The following KCTD8 variants were observed in gnomAD, a reference collection of about 807,000 sequenced individuals.
KCTD8 encodes potassium channel tetramerization domain containing 8, also known as BTB/POZ domain-containing protein KCTD8.
A neutral mutation model predicts 31.5 loss-of-function variants in KCTD8; 27 were observed. The observed-to-expected ratio is 0.86, with a 90% CI of 0.63 to 1.18. The LOEUF is 1.18. KCTD8 is among the 50% of genes most tolerant of loss of function. The pLI is 0.00. For missense variants in KCTD8, 658 were observed against 647.7 expected (o/e 1.02, Z -0.17); for synonymous variants, 290 against 280.0 (o/e 1.04, Z -0.36).
chr4:44,279,482 A>T (rs1716841456), intron 1 of KCTD8, among the ~76,000 whole-genome samples: 1 of 152,084 alleles, frequency 6.6e-6, no homozygotes, highest in South Asian at 2.1e-4. Flanking sequence ...CTCAGCAGAG[A>T]GAAAGATGTG....
chr4:44,403,861 G>A (rs1210004710), intron 1 of KCTD8, among the ~76,000 whole-genome samples: 1 of 151,878 alleles, frequency 6.6e-6, no homozygotes, highest in Non-Finnish European at 1.5e-5. Flanking sequence ...ACATATGTTA[G>A]ATGATTAATA....
At chr4:44,259,353 G>A (rs891658016) in intron 1 of KCTD8, among the ~76,000 whole-genome samples, 2 of 151,728 alleles carry the variant, frequency 1.3e-5, no homozygotes, top group African/African-American at 4.8e-5. Flanking sequence ...TCTTTTAAAC[G>A]AAGTGTAAAC....
chr4:44,238,196 C>G (rs1384571182), intron 1 of KCTD8, among the ~76,000 whole-genome samples: 10 of 151,962 alleles, frequency 6.6e-5, no homozygotes, highest in South Asian at 2.1e-4. Flanking sequence ...AAAGTTCTCC[C>G]CGCCCTACAC....
In KCTD8 at chr4:44,448,084, G is replaced by A. The variant is rs924945852; in HGVS notation, c.440C>T (p.Ser147Leu). ...AGAGTTCTGCTTGGTGACCTTGGGC[G>A]ACAGCAGCTTGACCAAGTCGGTGAG... ...FQLTDLVKLLSPKVTKQNSLN... is the reference protein window; with the variant it reads ...FQLTDLVKLLLPKVTKQNSLN... The change falls in exon 1 of 2, where the codon TCG (serine) becomes TTG (leucine). Residue 147 changes from serine (S) to leucine (L), a missense_variant. Transcript: ENST00000360029. This position sits in a 1 kb window ranked among gnomAD's most constrained non-coding sequence, Gnocchi z 4.1. The A allele has an allele frequency of 9.3e-6, 15 of 1,612,578 alleles. No individual in the cohort carries two copies. The highest frequency in any genetic ancestry group is 1.1e-5 in the Non-Finnish European group (13 of 1,179,820).
chr4:44,190,220 C>A (rs1002117044), intron 1 of KCTD8, among the ~76,000 whole-genome samples: 1 of 152,186 alleles, frequency 6.6e-6, no homozygotes, highest in African/African-American at 2.4e-5. Context: ...ATATCCAAAT[C>A]TTTTAGCTCC....
intron 1 of KCTD8, among the ~76,000 whole-genome samples, chr4:44,176,450 G>T (rs1386620409): frequency 6.6e-6 from 1 of 152,140 alleles, no homozygotes; most frequent in Non-Finnish European, 1.5e-5. Flanking sequence ...CCAAGGTTAT[G>T]AACCACTGAT....
At chr4:44,243,611 G>C (rs1190263798) in intron 1 of KCTD8, among the ~76,000 whole-genome samples, 1 of 152,154 alleles carries the variant, frequency 6.6e-6, no homozygotes, top group Non-Finnish European at 1.5e-5. Context: ...GTCATTTGGT[G>C]TTCACAACAA....
chr4:44,351,438 T>A (rs1452636435), intron 1 of KCTD8, among the ~76,000 whole-genome samples: 1 of 152,144 alleles, frequency 6.6e-6, no homozygotes, highest in East Asian at 1.9e-4. Flanking sequence ...CCAAATTAGA[T>A]TTCCATATCA....
At chr4:44,239,143 T>C (rs1715376177) in intron 1 of KCTD8, among the ~76,000 whole-genome samples, 1 of 152,234 alleles carries the variant, frequency 6.6e-6, no homozygotes, top group Non-Finnish European at 1.5e-5. Flanking sequence ...TAAAATATAA[T>C]GTGGTCTCAT....
At chr4:44,352,575 TA>T in intron 1 of KCTD8, among the ~76,000 whole-genome samples, 5 of 142,912 alleles carry the variant, frequency 3.5e-5, no homozygotes, top group Non-Finnish European at 7.6e-5. Context: ...TTATTATTTC[TA>T]TTAAAAATAG....
At position 44,422,855 on chromosome 4, in the gene KCTD8, C is replaced by A. The variant is rs138649314; in HGVS notation, c.961+24708G>T. Among the ~76,000 whole-genome samples the A allele has an allele frequency of 2.6e-5, 4 of 152,158 alleles. No individual in the cohort carries two copies. In the East Asian group the frequency reaches 5.8e-4, roughly 22 times the overall value. On this transcript the variant is annotated intron_variant, in intron 1 of 1. Transcript: ENST00000360029. ...TATTTGACAGTTGGCTCATTTCCAG[C>A]TAATATTCTTTTCATATCTTCAGCC...
intron 1 of KCTD8, among the ~76,000 whole-genome samples, chr4:44,276,906 A>G (rs1716766692): frequency 6.6e-6 from 1 of 152,016 alleles, no homozygotes; most frequent in Admixed American, 6.6e-5. Flanking sequence ...ATCTTCATCA[A>G]TGTTTTAAGT....
At chr4:44,280,430 C>T (rs1054746772) in intron 1 of KCTD8, among the ~76,000 whole-genome samples, 19 of 152,060 alleles carry the variant, frequency 1.2e-4, no homozygotes, top group Admixed American at 5.9e-4. Context: ...CCGTCGAGAG[C>T]TGCATCCTTT....
chr4:44,428,262 A>G (rs535953388), intron 1 of KCTD8, among the ~76,000 whole-genome samples: 8 of 151,762 alleles, frequency 5.3e-5, no homozygotes, highest in Non-Finnish European at 8.8e-5. Context: ...GGTTATGTAC[A>G]GCAAAAAATA....
At chr4:44,325,225 G>A (rs1718412391) in intron 1 of KCTD8, among the ~76,000 whole-genome samples, 1 of 151,950 alleles carries the variant, frequency 6.6e-6, no homozygotes. Flanking sequence ...CGTGAGGTGT[G>A]TATGTAAGAT....
intron 1 of KCTD8, among the ~76,000 whole-genome samples, chr4:44,281,906 C>A (rs1489264170): frequency 6.6e-6 from 1 of 152,026 alleles, no homozygotes; most frequent in Non-Finnish European, 1.5e-5. Context: ...AATATTATTT[C>A]TAGTTCTAGG....
chr4:44,405,329 CT>C (rs1720766661), intron 1 of KCTD8, among the ~76,000 whole-genome samples: 1 of 152,138 alleles, frequency 6.6e-6, no homozygotes, highest in Non-Finnish European at 1.5e-5. Context: ...ATGATCTCAG[CT>C]CACTGCAATC....
intron 1 of KCTD8, among the ~76,000 whole-genome samples, chr4:44,331,742 T>C (rs1431859085): frequency 1.3e-5 from 2 of 149,546 alleles, no homozygotes; most frequent in Non-Finnish European, 1.5e-5. Flanking sequence ...TATATATATA[T>C]ATATGTACAG....
At chr4:44,387,724 G>T (rs1720260554) in intron 1 of KCTD8, among the ~76,000 whole-genome samples, 1 of 151,936 alleles carries the variant, frequency 6.6e-6, no homozygotes, top group Non-Finnish European at 1.5e-5. Context: ...ACTCAAGATG[G>T]ATCAAATACT....
Sources: gnomAD v4.1 joint callset for allele counts (sites outside exome capture counted in the v4.1 genomes callset) on GRCh38, gnomAD v4.1.1 for gene constraint, Gnocchi (gnomAD v3.1) non-coding constraint, MANE v1.5 for transcripts, NCBI Gene and HGNC (gene_info 2026-07-23, HGNC 2026-07-21) for gene names.